The following HMCN2 variants were observed in gnomAD, a reference collection of about 807,000 sequenced individuals.
The protein encoded by HMCN2 is hemicentin-2.
A neutral mutation model predicts 377.5 loss-of-function variants in HMCN2; 325 were observed. The ratio of observed to expected loss-of-function variants is 0.86; its 90% CI spans 0.79 to 0.94. The LOEUF (loss-of-function observed/expected upper bound fraction) is 0.94. HMCN2 is among the 40% of genes least tolerant of loss of function. The probability of loss-of-function intolerance (pLI) is 0.00; values close to 1 mark genes in which losing one functional copy is unlikely to be tolerated. For synonymous variants in HMCN2, 2,007 were observed against 2,046.8 expected, an observed-to-expected ratio of 0.98 and a Z score of 0.53; for missense variants, 4,543 against 4,725.3, an observed-to-expected ratio of 0.96 and a Z score of 1.13.
chr9:130,340,265 G>A (rs1235746903), intron 23 of HMCN2, among the ~76,000 whole-genome samples: 5 of 152,240 alleles, frequency 3.3e-5, no homozygotes, highest in Non-Finnish European at 5.9e-5. Flanking sequence ...TGCAGCCACA[G>A]CATGCCAGCC....
In HMCN2 at chr9:130,427,512, C is replaced by T; in HGVS notation, c.13958C>T (p.Ser4653Leu). ...CCTGCCCCAGACAGGGACGAGTGCT[C>T]AGGAGGCCCTAGCCCCTGCTCCCAT... ...GAFCVDRDECSGGPSPCSHAC... is the reference protein window; with the variant it reads ...GAFCVDRDECLGGPSPCSHAC... The change falls in exon 92 of 98, where the codon TCA becomes TTA. Residue 4653 changes from serine to leucine, a missense_variant. Coordinates refer to ENST00000683500, the MANE Select transcript of HMCN2 (RefSeq NM_001291815.2). 6.4e-7 allele frequency: 1 copy of T among 1,550,466 alleles called. No homozygotes were observed. The highest frequency in any genetic ancestry group is 8.7e-7 in the Non-Finnish European group (1 of 1,146,932).
At position 130,422,752 on chromosome 9, in the gene HMCN2, G is replaced by GC; in HGVS notation, c.13381+28dup. ...GTGAGTGGAAGGCAGAGCATCACCT[G>GC]CCTCTGGGTTATTGTCACAGCCCAG... is the stretch of plus-strand genomic sequence containing the variant. On this transcript the variant is annotated intron_variant, in intron 87 of 97. Transcript: ENST00000683500. The surrounding 1 kb of genome is among the most constrained non-coding windows in gnomAD (Gnocchi z 4.2). 2 of 1,265,418 alleles carry GC rather than the reference G, an allele frequency of 1.6e-6. No individual in the cohort carries two copies. Among genetic ancestry groups the GC allele is most frequent in the South Asian group, 6.5e-5 (2 of 31,006 alleles). The allele number at this position is 1,265,418 out of a possible 1,614,324, so 78.4% of individuals were successfully genotyped here. A position where few individuals can be genotyped will look rare whatever the true frequency, so the allele number is the denominator to read the frequency against.
intron 90 of HMCN2, among the ~76,000 whole-genome samples, chr9:130,426,755 T>C (rs566906851): frequency 1.4e-5 from 2 of 140,020 alleles, no homozygotes; most frequent in Non-Finnish European, 1.6e-5. Context: ...ATGATATTTT[T>C]TGTGATTTTT....
Position 130,429,637 on chromosome 9 carries a change from A to G in HMCN2, c.14278A>G (p.Ser4760Gly), listed in dbSNP as rs955274539. 4 of 1,548,888 alleles carry G rather than the reference A, an allele frequency of 2.6e-6. No homozygotes were observed. Among genetic ancestry groups the G allele is most frequent in the Middle Eastern group, 1.7e-4 (1 of 5,978 alleles). The change falls in exon 94 of 98, where the codon AGC (serine) becomes GGC (glycine). Residue 4760 changes from serine to glycine, a missense_variant. Coordinates refer to ENST00000683500, the MANE Select transcript of HMCN2 (RefSeq NM_001291815.2). The part of the protein sequence containing the change: ...CENTPGGHRC[S>G]CPRGYRMQGP... ...GAACACCCCAGGCGGTCACCGCTGC[A>G]GCTGCCCCAGGGGTTACCGGATGCA...
rs1841285408 is a variant in HMCN2 at position 130,374,811 on chromosome 9, G to A, written c.7630+118G>A. The A allele has an allele frequency of 2.1e-5, 8 of 384,306 alleles. No homozygotes were observed. In the South Asian group the frequency reaches 5.4e-4, roughly 26 times the overall value. The allele number at this position is 384,306 out of a possible 1,614,324, so 23.8% of individuals were successfully genotyped here. A position where few individuals can be genotyped will look rare whatever the true frequency, so the allele number is the denominator to read the frequency against. ...TCTACTATTTTTCTTCTAATTCTCCGAGTTTGACAACAAAAATCATATAGC... is the reference window on the plus strand; with the variant it reads ...TCTACTATTTTTCTTCTAATTCTCCAAGTTTGACAACAAAAATCATATAGC... On this transcript the variant is annotated intron_variant, in intron 49 of 97. Coordinates refer to ENST00000683500, the MANE Select transcript of HMCN2 (RefSeq NM_001291815.2).
At chr9:130,395,862 C>T in intron 71 of HMCN2, 62 bp from the exon 72 acceptor site, 1 of 1,236,602 alleles carries the variant, frequency 8.1e-7, no homozygotes, top group Non-Finnish European at 1.0e-6. Flanking sequence ...ACATCTGCTG[C>T]CGGGTGGCCT....
At chr9:130,410,741 C>T in intron 85 of HMCN2, 89 bp downstream of exon 85, 1 of 1,089,208 alleles carries the variant, frequency 9.2e-7, no homozygotes, top group Non-Finnish European at 1.4e-6. Flanking sequence ...GACGGCAGGG[C>T]TGGGACTTGG....
In HMCN2 at chr9:130,334,549, G is replaced by GTTTT. The variant is rs1192246439; in HGVS notation, c.3360-3327_3360-3324dup. Among the ~76,000 whole-genome samples the GTTTT allele has an allele frequency of 4.2e-3, 416 of 99,030 alleles. 14 individuals are homozygous for GTTTT. The highest frequency in any genetic ancestry group is 6.8e-3 in the Middle Eastern group (1 of 148). The allele number at this position is 99,030 out of a possible 152,430, so 65.0% of individuals were successfully genotyped here. A position where few individuals can be genotyped will look rare whatever the true frequency, so the allele number is the denominator to read the frequency against. ...GTGTGAATTGTTAACACTTTTGGAA[G>GTTTT]TTTTTTTTTTTTTTTTTTTTTCAGA... On this transcript the variant is annotated intron_variant, in intron 22 of 97. Coordinates refer to ENST00000683500, the MANE Select transcript of HMCN2 (RefSeq NM_001291815.2).
rs1388546912 is a variant in HMCN2, at chr9:130,349,639, A to C, written c.4406A>C (p.Gln1469Pro). 8.4e-6 allele frequency: 11 copies of C among 1,303,888 alleles called. No individual in the cohort carries two copies. The highest frequency in any genetic ancestry group is 1.1e-5 in the Non-Finnish European group (11 of 988,776). The allele number at this position is 1,303,888 out of a possible 1,614,324, so 80.8% of individuals were successfully genotyped here. Residue 1469 changes from glutamine (Q) to proline (P), a missense_variant, in exon 29 of 98, where the codon CAG becomes CCG. This residue lies in a region of HMCN2 where 1,032 missense variants were observed against 1,285.1 expected (regional missense o/e 0.80). Transcript: ENST00000683500. Reference protein sequence around the residue: ...QCWTSGVPTPQVEWTKDRQPV... With the variant: ...QCWTSGVPTPPVEWTKDRQPV... ...TGGACCTCAGGGGTCCCCACGCCCC[A>C]GGTGGAGTGGACCAAGGACAGGCAG...
At chr9:130,359,438 A>C in intron 37 of HMCN2, 24 bp downstream of exon 37, 1 of 1,246,046 alleles carries the variant, frequency 8.0e-7, no homozygotes. Flanking sequence ...TCTTGGCTGA[A>C]AGCTACTTCC....
chr9:130,284,017 T>C (rs782082290), intron 1 of HMCN2, among the ~76,000 whole-genome samples: 10 of 152,264 alleles, frequency 6.6e-5, no homozygotes, highest in Non-Finnish European at 1.2e-4. Flanking sequence ...TAAACCATTT[T>C]GTGTTCCCAC....
At position 130,402,843 on chromosome 9, in the gene HMCN2, C is replaced by A; in HGVS notation, c.11825C>A (p.Ser3942Ter). Reference protein sequence around the residue: ...LPIHAGRYTCSARNSAGVAHK... With the variant: ...LPIHAGRYTC ...ATCCACGCAGGCCGCTACACCTGCT[C>A]AGCCCGCAACTCTGCCGGCGTAGCC... The change falls in exon 78 of 98, where the codon TCA (serine) becomes TAA (stop). Residue 3942 changes from serine to a stop codon, truncating the protein, a stop_gained. Transcript: ENST00000683500. LOFTEE classifies it high-confidence loss of function. 1 of 1,289,782 alleles carries A rather than the reference C, an allele frequency of 7.8e-7. No homozygotes were observed. Among genetic ancestry groups the A allele is most frequent in the Non-Finnish European group, 1.0e-6 (1 of 988,856 alleles). 79.9% of individuals were successfully genotyped at this position (1,289,782 alleles called of 1,614,324 possible).
chr9:130,431,007 TAG>T, intron 95 of HMCN2: 1 of 201,328 alleles, frequency 5.0e-6, no homozygotes, highest in Non-Finnish European at 8.4e-6. Context: ...GACTGCTGGG[TAG>T]AGGGGGGTGG....
At chr9:130,401,143 C>T (rs1842841979) in intron 77 of HMCN2, among the ~76,000 whole-genome samples, 196 bp downstream of exon 77, 1 of 152,150 alleles carries the variant, frequency 6.6e-6, no homozygotes, top group African/African-American at 2.4e-5. Flanking sequence ...GTGTTGAGAC[C>T]CATCAGTGGT....
At position 130,307,393 on chromosome 9, in the gene HMCN2, A is replaced by G. The variant is rs201778541; in HGVS notation, c.2087-60A>G. 1,670 of 467,334 alleles carry G rather than the reference A, an allele frequency of 3.6e-3. 9 individuals carry two copies. The highest frequency in any genetic ancestry group is 5.1e-3 in the Non-Finnish European group (1,142 of 225,076). The allele number at this position is 467,334 out of a possible 1,614,324, so 28.9% of individuals were successfully genotyped here. On this transcript the variant is annotated intron_variant, in intron 13 of 97. Transcript: ENST00000683500. Reference sequence around the variant, plus strand: ...GGGAGAGGGCTCCCTGAAGCCGTGGAAGACTTTCTTTATGACCTTTGAAGG... The same window carrying G: ...GGGAGAGGGCTCCCTGAAGCCGTGGGAGACTTTCTTTATGACCTTTGAAGG...
chr9:130,309,729 C>T (rs1223899565), intron 14 of HMCN2, among the ~76,000 whole-genome samples, 183 bp from the exon 15 acceptor site: 1 of 152,038 alleles, frequency 6.6e-6, no homozygotes, highest in Non-Finnish European at 1.5e-5. Flanking sequence ...GAGGGAAGGC[C>T]CAAGCCCCCT....
At chr9:130,433,054 G>T in intron 97 of HMCN2, 1 of 434,514 alleles carries the variant, frequency 2.3e-6, no homozygotes, top group East Asian at 3.8e-5. Context: ...ACTTGGCCCA[G>T]GGGCACATCG....
intron 86 of HMCN2, among the ~76,000 whole-genome samples, chr9:130,420,207 T>C (rs1843923741): frequency 6.6e-6 from 1 of 151,588 alleles, no homozygotes; most frequent in Admixed American, 6.6e-5. Context: ...CCCAAGTAGC[T>C]GGGACTACAG....
At position 130,327,859 on chromosome 9, in the gene HMCN2, C is replaced by T. The variant is rs1000107315; in HGVS notation, c.3359+384C>T. 4.6e-5 allele frequency among the ~76,000 whole-genome samples: 7 copies of T among 152,358 alleles called. No homozygotes were observed. The East Asian group carries it at 1.3e-3, about 29-fold the overall frequency. The stretch of plus-strand genomic sequence containing the variant: ...GGGACCACGTCCCCGCCACGACACA[C>T]ACCACCCCCATGCCTGCTCTGCAGA... On this transcript the variant is annotated intron_variant, in intron 22 of 97. Coordinates refer to ENST00000683500, the MANE Select transcript of HMCN2 (RefSeq NM_001291815.2).
Sources: allele counts gnomAD v4.1 joint callset (sites outside exome capture counted in the v4.1 genomes callset), GRCh38; gene constraint gnomAD v4.1.1; regional missense constraint gnomAD v4.1.1; non-coding constraint Gnocchi (gnomAD v3.1); transcripts MANE v1.5; gene names NCBI Gene and HGNC (gene_info 2026-07-23, HGNC 2026-07-21).